The following MARK1 variants were observed in gnomAD, a reference collection of about 807,000 sequenced individuals.
The protein encoded by MARK1 is microtubule affinity regulating kinase 1, also known as serine/threonine-protein kinase MARK1.
Under a neutral mutation model 96.3 loss-of-function variants are expected in MARK1, and 40 were observed. The observed-to-expected ratio is 0.42, with a 90% CI of 0.32 to 0.54. The LOEUF (loss-of-function observed/expected upper bound fraction) is 0.54, where lower values mean the gene tolerates loss of function less well. Among genes scored for constraint, MARK1 ranks in the 20% least tolerant of loss-of-function variants. The pLI is 0.16. For missense variants in MARK1, 719 were observed against 984.6 expected, an observed-to-expected ratio of 0.73 and a Z score of 3.61; for synonymous variants, 317 against 341.2, an observed-to-expected ratio of 0.93 and a Z score of 0.78.
intron 1 of MARK1, chr1:220,572,059 C>T (rs1434856143): frequency 6.6e-6 from 1 of 152,082 alleles, no homozygotes; most frequent in Non-Finnish European, 1.5e-5. Context: ...TTTAAGTTAT[C>T]CTTTGATAAA....
At chr1:220,560,304 G>C (rs184095982) in intron 1 of MARK1, among the ~76,000 whole-genome samples, 52 of 152,274 alleles carry the variant, frequency 3.4e-4, no homozygotes, top group Admixed American at 2.9e-3. Flanking sequence ...CCAGTGGATG[G>C]CTGAAACTGC....
chr1:220,640,258 A>T (rs983851288), intron 13 of MARK1, among the ~76,000 whole-genome samples: 1 of 152,252 alleles, frequency 6.6e-6, no homozygotes, highest in African/African-American at 2.4e-5. Flanking sequence ...TAGTGCCCAT[A>T]ACATCCATAG....
chr1:220,596,018 T>C (rs1477524874), intron 3 of MARK1, among the ~76,000 whole-genome samples: 1 of 152,134 alleles, frequency 6.6e-6, no homozygotes, highest in Admixed American at 6.6e-5. Context: ...AATCAAGTAT[T>C]GGGTTTGAAT....
intron 1 of MARK1, among the ~76,000 whole-genome samples, chr1:220,536,705 G>A (rs530809131): frequency 7.9e-5 from 12 of 152,100 alleles, no homozygotes; most frequent in Admixed American, 2.0e-4. Flanking sequence ...ATAGGCACAC[G>A]CCAGTAGCTG....
chr1:220,537,540 A>G (rs1335059193), intron 1 of MARK1, among the ~76,000 whole-genome samples: 15 of 141,500 alleles, frequency 1.1e-4, no homozygotes, highest in Admixed American at 8.9e-4. Context: ...TAGTGCCGCA[A>G]TAAACATACG....
In MARK1 at chr1:220,528,756, C is replaced by G. The variant is rs1660092373; in HGVS notation, c.-67C>G. ...GCTCGCGTCCGCACCCCTTTCCTGT[C>G]GCCCCCCGGGGCCCGCACCACAGCC... On this transcript the variant is annotated 5_prime_UTR_variant, in exon 1 of 18. Coordinates refer to ENST00000366917, the MANE Select transcript of MARK1 (RefSeq NM_018650.5). 6.8e-7 allele frequency: 1 copy of G among 1,470,064 alleles called. No individual in the cohort carries two copies. The highest frequency in any genetic ancestry group is 2.0e-5 in the Admixed American group (1 of 48,900). 91.1% of individuals were successfully genotyped at this position (1,470,064 alleles called of 1,614,324 possible). A position where few individuals can be genotyped will look rare whatever the true frequency, so the allele number is the denominator to read the frequency against.
At chr1:220,568,979 C>T (rs1663248187) in intron 1 of MARK1, among the ~76,000 whole-genome samples, 1 of 152,158 alleles carries the variant, frequency 6.6e-6, no homozygotes, top group Admixed American at 6.6e-5. Context: ...TGTCTCCCAA[C>T]TCCTCCTATA....
At chr1:220,583,633 A>G (rs762068947) in intron 3 of MARK1, among the ~76,000 whole-genome samples, 6 of 150,864 alleles carry the variant, frequency 4.0e-5, no homozygotes, top group Admixed American at 1.3e-4. Flanking sequence ...TCCATGAACC[A>G]TACTAGTGAT....
intron 9 of MARK1, among the ~76,000 whole-genome samples, chr1:220,624,329 GT>G (rs1667203330): frequency 6.8e-6 from 1 of 147,392 alleles, no homozygotes; most frequent in Admixed American, 6.8e-5. Context: ...GTTGGGCACG[GT>G]GGTTCACAGC....
intron 6 of MARK1, among the ~76,000 whole-genome samples, chr1:220,608,823 C>T (rs1269984124): frequency 1.3e-5 from 2 of 152,194 alleles, no homozygotes; most frequent in Non-Finnish European, 2.9e-5. Context: ...ACCCAATAGT[C>T]ATTCAGGAGC....
chr1:220,616,020 TA>T (rs375356667), intron 7 of MARK1, 25 bp downstream of exon 7: 25 of 857,166 alleles, frequency 2.9e-5, no homozygotes, highest in Middle Eastern at 6.3e-4. Flanking sequence ...GTAATTTTTT[TA>T]AAAAAAAAAT....
chr1:220,562,679 CA>C lies in MARK1; in HGVS notation c.52-16666del, dbSNP rs143114023. ...TGGGGATTGGTTCCAGGACCTCCCT[CA>C]AAAAAAAATTGACAGATGCTTAAGT... On this transcript the variant is annotated intron_variant, in intron 1 of 17. Transcript: ENST00000366917. Among the ~76,000 whole-genome samples, 874 of 150,790 alleles carry C rather than the reference CA, an allele frequency of 5.8e-3. 21 individuals carry two copies. In the East Asian group the frequency reaches 0.06, roughly 10 times the overall value.
rs1664759025 is a variant in MARK1 at position 220,587,982 on chromosome 1, TTGTA to T, written c.309+6865_309+6868del. ...AATGTCAAATTGCTCTCCAGTGTAG[TTGTA>T]CCGATTTTTACTTAAGCCAACACTG... On this transcript the variant is annotated intron_variant, in intron 3 of 17. Transcript: ENST00000366917. Among the ~76,000 whole-genome samples the T allele has an allele frequency of 4.6e-5, 7 of 152,288 alleles. No individual in the cohort carries two copies. The South Asian group carries it at 1.5e-3, about 32-fold the overall frequency.
At chr1:220,539,219 T>G (rs1383199953) in intron 1 of MARK1, among the ~76,000 whole-genome samples, 1 of 151,792 alleles carries the variant, frequency 6.6e-6, no homozygotes, top group Non-Finnish European at 1.5e-5. Context: ...CATAGATAGC[T>G]CTTATTATTT....
chr1:220,564,440 G>A (rs988041134), intron 1 of MARK1, among the ~76,000 whole-genome samples: 1 of 152,046 alleles, frequency 6.6e-6, no homozygotes, highest in Non-Finnish European at 1.5e-5. Context: ...TCTGCCCTTT[G>A]GAGACATACA....
intron 9 of MARK1, among the ~76,000 whole-genome samples, chr1:220,624,864 C>A (rs916885251): frequency 6.6e-6 from 1 of 152,208 alleles, no homozygotes; most frequent in Admixed American, 6.5e-5. Flanking sequence ...TTCTGCCAGG[C>A]ACCTGATTTA....
chr1:220,586,011 A>ACACGCGCG (rs112968910), intron 3 of MARK1, among the ~76,000 whole-genome samples: 43 of 148,532 alleles, frequency 2.9e-4, no homozygotes, highest in Admixed American at 2.2e-3. Flanking sequence ...ACACACACAC[A>ACACGCGCG]CGCGCGCGTG....
intron 1 of MARK1, among the ~76,000 whole-genome samples, chr1:220,551,590 T>G (rs1273677465): frequency 1.3e-5 from 2 of 152,206 alleles, no homozygotes; most frequent in Non-Finnish European, 2.9e-5. Context: ...TGATGCTCAT[T>G]TCTCTTCTCA....
At chr1:220,586,615 T>A (rs1203639681) in intron 3 of MARK1, among the ~76,000 whole-genome samples, 1 of 151,748 alleles carries the variant, frequency 6.6e-6, no homozygotes, top group Non-Finnish European at 1.5e-5. Flanking sequence ...TCCAAAAACC[T>A]CTGTCCTAAT....
Sources: allele counts gnomAD v4.1 joint callset (sites outside exome capture counted in the v4.1 genomes callset), GRCh38; gene constraint gnomAD v4.1.1; transcripts MANE v1.5; gene names NCBI Gene and HGNC (gene_info 2026-07-23, HGNC 2026-07-21).